PCDHGA1: variants seen among roughly 807,000 people sequenced by gnomAD.
PCDHGA1 encodes the protein protocadherin gamma-A1.
Under a neutral mutation model 58.0 loss-of-function variants are expected in PCDHGA1, and 32 were observed. That is an observed-to-expected ratio of 0.55 (90% CI 0.42 to 0.74). PCDHGA1 has a LOEUF of 0.74. Ranked by LOEUF, PCDHGA1 falls within the 30% of genes least tolerant of loss-of-function variation. PCDHGA1 has a pLI of 0.00. For synonymous variants in PCDHGA1, 498 were observed against 501.1 expected (o/e 0.99, Z 0.08); for missense variants, 1,205 against 1,182.3 (o/e 1.02, Z -0.28).
chr5:141,377,938 A>T (rs1447195904), intron 1 of PCDHGA1: 1 of 152,228 alleles, frequency 6.6e-6, no homozygotes, highest in Non-Finnish European at 1.5e-5. Flanking sequence ...ACTGCTGCTT[A>T]TAGAGTGTGT....
intron 1 of PCDHGA1, chr5:141,370,507 C>G: frequency 1.2e-6 from 2 of 1,613,920 alleles, no homozygotes; most frequent in Non-Finnish European, 1.7e-6. Context: ...TACGCTATTC[C>G]CGAGGAGCTG....
At chr5:141,459,303 T>C (rs1419156629) in intron 1 of PCDHGA1, among the ~76,000 whole-genome samples, 1 of 152,242 alleles carries the variant, frequency 6.6e-6, no homozygotes, top group Non-Finnish European at 1.5e-5. Context: ...CTATAACATA[T>C]ACTATTTTGT....
At chr5:141,428,024 A>G (rs2097101613) in intron 1 of PCDHGA1, 1 of 1,606,106 alleles carries the variant, frequency 6.2e-7, no homozygotes, top group African/African-American at 1.3e-5. Context: ...CACGCGCCGC[A>G]GAGTCCGGCT....
chr5:141,339,978 C>A (rs750684528), intron 1 of PCDHGA1: 1 of 1,614,066 alleles, frequency 6.2e-7, no homozygotes, highest in Non-Finnish European at 8.5e-7. Context: ...GTTATCGTCA[C>A]GGTTCTGGAT....
rs1460626002 is a variant in PCDHGA1, at chr5:141,486,935, C to A, written c.2422-7872C>A. ...ACTGCCTCCATCAGTTGGTGCTGGC[C>A]ACCTAATCACAAAGGTGACTGCTGT... On this transcript the variant is annotated intron_variant, in intron 1 of 3. Transcript: ENST00000517417. This position sits in a 1 kb window ranked among gnomAD's most constrained non-coding sequence, Gnocchi z 5.0. 5 of 1,614,228 alleles carry A rather than the reference C, an allele frequency of 3.1e-6. No individual in the cohort carries two copies. The highest frequency in any genetic ancestry group is 4.2e-6 in the Non-Finnish European group (5 of 1,180,038).
Position 141,431,698 on chromosome 5 carries a change from A to ATTC in PCDHGA1, c.2422-63107_2422-63105dup. 6.2e-7 allele frequency: 1 copy of ATTC among 1,614,222 alleles called. No homozygotes were observed. Among genetic ancestry groups the ATTC allele is most frequent in the Non-Finnish European group, 8.5e-7 (1 of 1,180,036 alleles). The stretch of plus-strand genomic sequence containing the variant: ...GGGAGTTGGACCACGAGGAGTCAGG[A>ATTC]TTCTACCAGATGGAAGTGCAAGCAA... On this transcript the variant is annotated intron_variant, in intron 1 of 3. Coordinates refer to ENST00000517417, the MANE Select transcript of PCDHGA1 (RefSeq NM_018912.3). This position sits in a 1 kb window ranked among gnomAD's most constrained non-coding sequence, Gnocchi z 4.8.
chr5:141,391,749 G>A (rs147297013), intron 1 of PCDHGA1: 1 of 152,154 alleles, frequency 6.6e-6, no homozygotes, highest in African/African-American at 2.4e-5. Flanking sequence ...CTTATCCTTT[G>A]GCTTCTTAGT....
intron 1 of PCDHGA1, chr5:141,394,106 T>C: frequency 1.2e-6 from 2 of 1,613,942 alleles, no homozygotes; most frequent in Non-Finnish European, 1.7e-6. Flanking sequence ...GAACACCACC[T>C]CTGTCCACTG....
At chr5:141,457,439 C>T (rs2098920819) in intron 1 of PCDHGA1, among the ~76,000 whole-genome samples, 1 of 152,194 alleles carries the variant, frequency 6.6e-6, no homozygotes, top group Non-Finnish European at 1.5e-5. Context: ...CACCAAGCTG[C>T]AGAAGATCAC....
intron 1 of PCDHGA1, among the ~76,000 whole-genome samples, chr5:141,458,513 G>GTT (rs537551567): frequency 7.5e-5 from 11 of 146,196 alleles, no homozygotes; most frequent in African/African-American, 2.2e-4. Flanking sequence ...TTGACACTTT[G>GTT]TTTTTTTTTT....
At chr5:141,370,227 G>C (rs375551989) in intron 1 of PCDHGA1, 1 of 585,120 alleles carries the variant, frequency 1.7e-6, no homozygotes. Context: ...GCTGCAGCCA[G>C]CTCGGAAGAA....
At chr5:141,374,467 C>A (rs1430397717) in intron 1 of PCDHGA1, 1 of 1,612,694 alleles carries the variant, frequency 6.2e-7, no homozygotes, top group Admixed American at 1.7e-5. Flanking sequence ...ACATTAATGA[C>A]AATACACCCC....
intron 1 of PCDHGA1, chr5:141,426,986 C>T (rs764345099): frequency 1.8e-5 from 8 of 456,618 alleles, no homozygotes; most frequent in South Asian, 7.7e-5. Flanking sequence ...CTGATGCCAA[C>T]GATAATGCCC....
intron 1 of PCDHGA1, chr5:141,386,080 T>C (rs752371819): frequency 1.3e-5 from 2 of 152,248 alleles, no homozygotes; most frequent in Non-Finnish European, 2.9e-5. Flanking sequence ...GTTTTAGTGG[T>C]ACAGCCAGAT....
chr5:141,487,667 A>G lies in PCDHGA1; in HGVS notation c.2422-7140A>G, dbSNP rs2099657916. ...GCTTGAGGGTTATTCTGATCCAGGC[A>G]TATGGCTAGGCCATGTCCTAGAGAG... On this transcript the variant is annotated intron_variant, in intron 1 of 3. Transcript: ENST00000517417. This position sits in a 1 kb window ranked among gnomAD's most constrained non-coding sequence, Gnocchi z 5.0. 6.2e-7 allele frequency: 1 copy of G among 1,612,782 alleles called. No individual in the cohort carries two copies. The highest frequency in any genetic ancestry group is 1.1e-5 in the South Asian group (1 of 90,692).
chr5:141,372,932 G>A (rs3806834), intron 1 of PCDHGA1: 35,987 of 882,390 alleles, frequency 0.041, 1,563 homozygotes, highest in Admixed American at 0.21. Flanking sequence ...TTCTGGTGTA[G>A]AGTAGGGTGT....
Position 141,344,472 on chromosome 5 carries a change from G to A in PCDHGA1, c.2421+11367G>A, listed in dbSNP as rs1465653147. 5 of 1,613,722 alleles carry A rather than the reference G, an allele frequency of 3.1e-6. No homozygotes were observed. In the Admixed American group the frequency reaches 8.3e-5, roughly 27 times the overall value. ...GGAAATAAAAATTGGTGAACTAACG[G>A]TTCCTGGAACCCGATTTCCAATTAA... On this transcript the variant is annotated intron_variant, in intron 1 of 3. Coordinates refer to ENST00000517417, the MANE Select transcript of PCDHGA1 (RefSeq NM_018912.3).
intron 1 of PCDHGA1, among the ~76,000 whole-genome samples, chr5:141,358,218 A>G (rs1306876220): frequency 6.6e-6 from 1 of 152,214 alleles, no homozygotes; most frequent in Non-Finnish European, 1.5e-5. Flanking sequence ...AAAGTAAAAT[A>G]AAGAATAAAT....
intron 1 of PCDHGA1, chr5:141,344,667 C>G (rs1261447626): frequency 6.2e-7 from 1 of 1,613,862 alleles, no homozygotes; most frequent in Non-Finnish European, 8.5e-7. Flanking sequence ...CCAGCTTGTC[C>G]TGGTTGCCTC....
Sources: allele counts gnomAD v4.1 joint callset (sites outside exome capture counted in the v4.1 genomes callset), GRCh38; gene constraint gnomAD v4.1.1; non-coding constraint Gnocchi (gnomAD v3.1); transcripts MANE v1.5; gene names NCBI Gene and HGNC (gene_info 2026-07-23, HGNC 2026-07-21).